ALMS1: variants seen among roughly 807,000 people sequenced by gnomAD.
ALMS1 encodes the protein centrosome-associated protein ALMS1.
In ALMS1, 271 loss-of-function variants were observed where a neutral mutation model predicts 352.2. The ratio of observed to expected loss-of-function variants is 0.77; its 90% CI spans 0.70 to 0.85. The LOEUF (loss-of-function observed/expected upper bound fraction) is 0.85, where lower values mean the gene tolerates loss of function less well. Ranked by LOEUF, ALMS1 falls within the 40% of genes least tolerant of loss-of-function variation. The pLI is 0.00. For synonymous variants in ALMS1, 1,865 were observed against 1,761.2 expected, an observed-to-expected ratio of 1.06 and a Z score of -1.48; for missense variants, 5,445 against 4,870.7, an observed-to-expected ratio of 1.12 and a Z score of -3.51.
At chr2:73,391,484 G>A (rs1488944593) in intron 1 of ALMS1, among the ~76,000 whole-genome samples, 5 of 151,626 alleles carry the variant, frequency 3.3e-5, no homozygotes, top group African/African-American at 4.8e-5. Context: ...TAGTAGAGAC[G>A]GGGTTTCACC....
intron 12 of ALMS1, among the ~76,000 whole-genome samples, chr2:73,546,127 A>T (rs1204154128): frequency 1.3e-5 from 2 of 152,164 alleles, no homozygotes; most frequent in African/African-American, 2.4e-5. Context: ...TTCAAGGGTG[A>T]TTTTGACCCT....
intron 12 of ALMS1, among the ~76,000 whole-genome samples, chr2:73,538,775 C>T (rs1674090311): frequency 6.6e-6 from 1 of 152,166 alleles, no homozygotes; most frequent in African/African-American, 2.4e-5. Flanking sequence ...GCCCACGGAG[C>T]CTCGCTCATT....
At position 73,491,194 on chromosome 2, in the gene ALMS1, A is replaced by G. The variant is rs767356931; in HGVS notation, c.9235A>G (p.Met3079Val). 2 of 1,614,054 alleles carry G rather than the reference A, an allele frequency of 1.2e-6. No homozygotes were observed. Among genetic ancestry groups the G allele is most frequent in the East Asian group, 2.2e-5 (1 of 44,894 alleles). The stretch of plus-strand genomic sequence containing the variant: ...ATTGGATGCTGCTTCTAAAGCGAGG[A>G]TGAATAGTGAGTTTAACTTTGACTT... Reference protein sequence around the residue: ...HSLDAASKARMNSEFNFDLHT... With the variant: ...HSLDAASKARVNSEFNFDLHT... The change falls in exon 10 of 23, where the codon ATG (methionine) becomes GTG (valine). Residue 3079 changes from methionine (M) to valine (V), a missense_variant. Physicochemically the swap from Met to Val is conservative, Grantham distance 21. Coordinates refer to ENST00000613296, the MANE Select transcript of ALMS1 (RefSeq NM_001378454.1).
At position 73,486,724 on chromosome 2, in the gene ALMS1, G is replaced by A. The variant is rs142544358; in HGVS notation, c.7675-2910G>A. ...TTTGTTTTATATATATTTTCCAGTG[G>A]GCTGAATTATACTTAGCAGGAGAAA... On this transcript the variant is annotated intron_variant, in intron 9 of 22. Coordinates refer to ENST00000613296, the MANE Select transcript of ALMS1 (RefSeq NM_001378454.1). 2.6e-4 allele frequency among the ~76,000 whole-genome samples: 40 copies of A among 152,106 alleles called. 1 individual carries two copies. In the East Asian group the frequency reaches 6.6e-3, roughly 25 times the overall value.
chr2:73,415,110 A>T (rs988571520), intron 2 of ALMS1, among the ~76,000 whole-genome samples: 6 of 151,898 alleles, frequency 4.0e-5, no homozygotes, highest in Non-Finnish European at 8.8e-5. Flanking sequence ...TCTCCCTCAA[A>T]ATTTGTTTGT....
intron 11 of ALMS1, among the ~76,000 whole-genome samples, chr2:73,525,950 T>C (rs1407623023): frequency 6.6e-6 from 1 of 152,216 alleles, no homozygotes; most frequent in Non-Finnish European, 1.5e-5. Flanking sequence ...ATTTGATTTC[T>C]GTATATGATG....
At chr2:73,472,689 T>C (rs1259488869) in intron 9 of ALMS1, among the ~76,000 whole-genome samples, 7 of 152,082 alleles carry the variant, frequency 4.6e-5, no homozygotes, top group Admixed American at 6.6e-5. Context: ...TACCATTCCT[T>C]GTGCCTAGAT....
intron 16 of ALMS1, among the ~76,000 whole-genome samples, chr2:73,596,925 C>A (rs888414233): frequency 2.5e-5 from 2 of 78,618 alleles, no homozygotes; most frequent in African/African-American, 1.0e-4. Flanking sequence ...CTTGCCATTT[C>A]TATATAAAGT....
At chr2:73,430,999 G>T (rs1426704241) in intron 6 of ALMS1, among the ~76,000 whole-genome samples, 1 of 151,992 alleles carries the variant, frequency 6.6e-6, no homozygotes, top group Non-Finnish European at 1.5e-5. Context: ...TATGAACTTT[G>T]TGCTATGTGG....
chr2:73,601,278 T>G lies in ALMS1; in HGVS notation c.11956T>G (p.Ser3986Ala). 1 of 1,614,186 alleles carries G rather than the reference T, an allele frequency of 6.2e-7. No individual in the cohort carries two copies. The highest frequency in any genetic ancestry group is 2.2e-5 in the East Asian group (1 of 44,874). ...NVPNTCGPGISWFEPITKTRP... is the reference protein window; with the variant it reads ...NVPNTCGPGIAWFEPITKTRP... Reference sequence around the variant, plus strand: ...GCCTAACACTTGTGGCCCTGGCATCTCCTGGTTTGAACCAATAACCAAGAC... The same window carrying G: ...GCCTAACACTTGTGGCCCTGGCATCGCCTGGTTTGAACCAATAACCAAGAC... Residue 3986 changes from serine to alanine, a missense_variant, in exon 19 of 23, where the codon TCC becomes GCC. Coordinates refer to ENST00000613296, the MANE Select transcript of ALMS1 (RefSeq NM_001378454.1).
At chr2:73,527,726 C>T (rs780748010) in intron 11 of ALMS1, among the ~76,000 whole-genome samples, 14 of 151,840 alleles carry the variant, frequency 9.2e-5, no homozygotes, top group Non-Finnish European at 1.3e-4. Flanking sequence ...TTTCATTTTG[C>T]GATGTTTTTC....
intron 11 of ALMS1, among the ~76,000 whole-genome samples, chr2:73,531,487 T>C (rs1673908879): frequency 6.6e-6 from 1 of 152,210 alleles, no homozygotes; most frequent in African/African-American, 2.4e-5. Flanking sequence ...CTGTCAGCAT[T>C]TTTGGTCAAA....
chr2:73,449,857 C>T lies in ALMS1; in HGVS notation c.3330C>T (p.Thr1110=), dbSNP rs749570443. ...REKPGIFYQQ[T]LPESHLPKEA... ...AGCCTGGTATTTTCTACCAACAGAC[C>T]TTGCCAGAGAGTCATCTGCCTAAAG... is the stretch of plus-strand genomic sequence containing the variant. The change falls in exon 8 of 23, where the codon ACC becomes ACT. Residue 1110 remains threonine (T), a synonymous_variant. Transcript: ENST00000613296. The T allele has an allele frequency of 6.2e-6, 10 of 1,613,996 alleles. No individual in the cohort carries two copies. In the South Asian group the frequency reaches 9.9e-5, roughly 16 times the overall value.
At chr2:73,473,684 AAG>A (rs143739474) in intron 9 of ALMS1, among the ~76,000 whole-genome samples, 9,112 of 152,122 alleles carry the variant, frequency 0.06, 667 homozygotes, top group African/African-American at 0.16. Context: ...AATATCGACA[AAG>A]AGAAATTATA....
chr2:73,574,992 G>A (rs1675022434), intron 16 of ALMS1, among the ~76,000 whole-genome samples: 1 of 152,030 alleles, frequency 6.6e-6, no homozygotes, highest in South Asian at 2.1e-4. Flanking sequence ...TTCCTATTCT[G>A]GTTGTTTCAT....
At chr2:73,477,001 T>A (rs534065064) in intron 9 of ALMS1, among the ~76,000 whole-genome samples, 1 of 152,262 alleles carries the variant, frequency 6.6e-6, no homozygotes, top group African/African-American at 2.4e-5. Context: ...AAGTACCTAT[T>A]GATGATGTTA....
intron 15 of ALMS1, among the ~76,000 whole-genome samples, chr2:73,565,798 A>C (rs922327768): frequency 1.3e-5 from 2 of 152,238 alleles, no homozygotes; most frequent in African/African-American, 4.8e-5. Context: ...AACATGAGAC[A>C]AACTCAAATG....
At chr2:73,412,870 T>C (rs1671106590) in intron 2 of ALMS1, among the ~76,000 whole-genome samples, 1 of 152,200 alleles carries the variant, frequency 6.6e-6, no homozygotes, top group African/African-American at 2.4e-5. Flanking sequence ...TTTAACTTTA[T>C]AAGAAAGTAC....
intron 9 of ALMS1, chr2:73,458,073 A>C (rs1194293227): frequency 7.2e-6 from 1 of 138,072 alleles, no homozygotes; most frequent in Non-Finnish European, 1.6e-5. Flanking sequence ...CTTTTGAATA[A>C]GATTACTCTC....
Sources: gnomAD v4.1 joint callset for allele counts (sites outside exome capture counted in the v4.1 genomes callset) on GRCh38, gnomAD v4.1.1 for gene constraint, MANE v1.5 for transcripts, NCBI Gene and HGNC (gene_info 2026-07-23, HGNC 2026-07-21) for gene names.